SORCS1: variants seen among roughly 807,000 people sequenced by gnomAD.
SORCS1 encodes the protein VPS10 domain-containing receptor SorCS1.
SORCS1 carries 60 observed loss-of-function variants against 146.1 expected under a neutral mutation model. That is an observed-to-expected ratio of 0.41 (90% confidence interval 0.33 to 0.51). The LOEUF (loss-of-function observed/expected upper bound fraction) is 0.51, where lower values mean the gene tolerates loss of function less well. SORCS1 is among the 20% of genes least tolerant of loss of function. The pLI, the probability that SORCS1 is intolerant of heterozygous loss-of-function variation, is 0.21. For synonymous variants in SORCS1, 637 were observed against 584.0 expected, an observed-to-expected ratio of 1.09 and a Z score of -1.31; for missense variants, 1,352 against 1,487.6, an observed-to-expected ratio of 0.91 and a Z score of 1.50.
intron 2 of SORCS1, among the ~76,000 whole-genome samples, chr10:106,884,945 T>C (rs1336617): frequency 0.99 from 150,721 of 152,338 alleles, 74,587 homozygotes; most frequent in East Asian, 1. Context: ...GGGCCTAAAC[T>C]TTTACTGAAG....
intron 3 of SORCS1, among the ~76,000 whole-genome samples, chr10:106,795,971 T>C (rs1423665442): frequency 6.6e-6 from 1 of 152,162 alleles, no homozygotes; most frequent in Non-Finnish European, 1.5e-5. Flanking sequence ...TCAAACATCA[T>C]GTGGTTTTTC....
the SORCS1 span, among the ~76,000 whole-genome samples, chr10:107,174,933 T>C: frequency 2.6e-5 from 4 of 152,178 alleles, no homozygotes; most frequent in African/African-American, 9.7e-5. Flanking sequence ...ATCACTTTAT[T>C]ATATTAATTT....
chr10:106,757,955 G>T lies in SORCS1; in HGVS notation c.959+3633C>A, dbSNP rs116098398. Among the ~76,000 whole-genome samples the T allele has an allele frequency of 7.9e-3, 1,205 of 152,256 alleles. 16 individuals carry two copies. Among genetic ancestry groups the T allele is most frequent in the African/African-American group, 0.027 (1,110 of 41,548 alleles). On this transcript the variant is annotated intron_variant, in intron 5 of 25. Transcript: ENST00000263054. Reference sequence around the variant, plus strand: ...GATAATGAGAAGCTTACTTCAGAAGGTTGTTATGAGGATTAAATAGCTTAA... The same window carrying T: ...GATAATGAGAAGCTTACTTCAGAAGTTTGTTATGAGGATTAAATAGCTTAA...
intron 10 of SORCS1, among the ~76,000 whole-genome samples, 154 bp downstream of exon 10, chr10:106,688,038 T>C (rs1042292215): frequency 1.3e-5 from 2 of 152,184 alleles, no homozygotes; most frequent in Admixed American, 1.3e-4. Flanking sequence ...TAGGCAGTGC[T>C]GTGAGTTTTC....
intron 14 of SORCS1, among the ~76,000 whole-genome samples, chr10:106,673,537 A>T (rs745714166): frequency 4.2e-4 from 64 of 152,252 alleles, no homozygotes; most frequent in Non-Finnish European, 8.4e-4. Context: ...AGGCAGAACC[A>T]GACCCAGAGT....
chr10:106,652,638 C>T, intron 17 of SORCS1, 85 bp from the exon 18 acceptor site: 1 of 1,470,132 alleles, frequency 6.8e-7, no homozygotes, highest in Non-Finnish European at 9.3e-7. Flanking sequence ...TAGTGCCTAG[C>T]CCTGAGGACC....
At chr10:106,731,057 C>T (rs1264382439) in intron 5 of SORCS1, among the ~76,000 whole-genome samples, 1 of 152,002 alleles carries the variant, frequency 6.6e-6, no homozygotes, top group Non-Finnish European at 1.5e-5. Context: ...CGCCTGTAAT[C>T]CCAGCACTTT....
intron 1 of SORCS1, among the ~76,000 whole-genome samples, chr10:107,093,725 T>C (rs986547727): frequency 1.7e-4 from 26 of 150,450 alleles, no homozygotes; most frequent in African/African-American, 5.9e-4. Flanking sequence ...CTGTTTGAAA[T>C]CTCCCTCAGA....
Position 106,614,423 on chromosome 10 carries a change from C to T in SORCS1, c.2921-2400G>A, listed in dbSNP as rs373886881. Among the ~76,000 whole-genome samples the T allele has an allele frequency of 9.2e-5, 14 of 152,250 alleles. No homozygotes were observed. In the East Asian group the frequency reaches 9.7e-4, roughly 11 times the overall value. ...ACTCTGACTTTATAAGGTATGTTTT[C>T]GTGGCAGTTAATATATTCCAAAGAG... On this transcript the variant is annotated intron_variant, in intron 21 of 25. Coordinates refer to ENST00000263054, the MANE Select transcript of SORCS1 (RefSeq NM_052918.5).
At chr10:106,585,705 C>T (rs190478916) in intron 24 of SORCS1, among the ~76,000 whole-genome samples, 60 of 152,330 alleles carry the variant, frequency 3.9e-4, no homozygotes, top group African/African-American at 1.4e-3. Flanking sequence ...TTATAATCTG[C>T]ATCTGGCAAT....
In SORCS1 at chr10:106,878,620, G is replaced by GTGTA. The variant is rs904386657; in HGVS notation, c.627-48948_627-48947insTACA. Among the ~76,000 whole-genome samples the GTGTA allele has an allele frequency of 8.2e-5, 7 of 84,924 alleles. 1 individual carries two copies. Among genetic ancestry groups the GTGTA allele is most frequent in the South Asian group, 4.2e-4 (1 of 2,406 alleles). The allele number at this position is 84,924 out of a possible 152,430, so 55.7% of individuals were successfully genotyped here. A position where few individuals can be genotyped will look rare whatever the true frequency, so the allele number is the denominator to read the frequency against. On this transcript the variant is annotated intron_variant, in intron 2 of 25. Coordinates refer to ENST00000263054, the MANE Select transcript of SORCS1 (RefSeq NM_052918.5). ...AAATTTGTTTTTTATAAACTACCTA[G>GTGTA]TATATATATATATATATATATATAT...
chr10:106,991,657 G>T (rs1956777135), intron 1 of SORCS1, among the ~76,000 whole-genome samples: 1 of 152,002 alleles, frequency 6.6e-6, no homozygotes, highest in African/African-American at 2.4e-5. Context: ...ATCTGTTTTT[G>T]ATTAAAAAAT....
At chr10:106,897,470 A>G (rs867850577) in intron 2 of SORCS1, among the ~76,000 whole-genome samples, 1 of 152,102 alleles carries the variant, frequency 6.6e-6, no homozygotes, top group African/African-American at 2.4e-5. Flanking sequence ...AAAAAAAGAT[A>G]TACCTTTTCT....
chr10:106,697,987 A>G (rs1589686711), intron 9 of SORCS1, among the ~76,000 whole-genome samples: 1 of 152,312 alleles, frequency 6.6e-6, no homozygotes, highest in East Asian at 1.9e-4. Context: ...AAGTGGAAAA[A>G]CTTATGAAAG....
chr10:107,104,724 C>T (rs1448988150), intron 1 of SORCS1, among the ~76,000 whole-genome samples: 1 of 152,136 alleles, frequency 6.6e-6, no homozygotes, highest in Non-Finnish European at 1.5e-5. Flanking sequence ...TTTTGCTCTG[C>T]CATCCTTTAC....
chr10:106,955,172 C>G (rs1027833419), intron 2 of SORCS1, among the ~76,000 whole-genome samples: 7 of 152,224 alleles, frequency 4.6e-5, no homozygotes, highest in Admixed American at 1.3e-4. Flanking sequence ...TTCTGGGGGC[C>G]TAGACCTCGG....
At chr10:106,589,972 T>G (rs1564750042) in intron 24 of SORCS1, among the ~76,000 whole-genome samples, 1 of 152,202 alleles carries the variant, frequency 6.6e-6, no homozygotes, top group Non-Finnish European at 1.5e-5. Flanking sequence ...CAATGGATGA[T>G]GGACAACAAA....
chr10:106,798,658 G>A (rs943319035), intron 3 of SORCS1, among the ~76,000 whole-genome samples: 9 of 152,162 alleles, frequency 5.9e-5, no homozygotes, highest in Non-Finnish European at 1.2e-4. Flanking sequence ...TGGTGTATAT[G>A]TGCCACATTT....
At chr10:106,772,535 G>C (rs1483280967) in intron 4 of SORCS1, among the ~76,000 whole-genome samples, 1 of 150,780 alleles carries the variant, frequency 6.6e-6, no homozygotes, top group Admixed American at 6.6e-5. Context: ...TGTTTCTTTG[G>C]AGAATCCTTA....
Sources: allele counts gnomAD v4.1 joint callset (sites outside exome capture counted in the v4.1 genomes callset), GRCh38; gene constraint gnomAD v4.1.1; transcripts MANE v1.5; gene names NCBI Gene and HGNC (gene_info 2026-07-23, HGNC 2026-07-21).